Variants in TTN observed in about 807,000 individuals in gnomAD.
TTN encodes the protein titin.
TTN carries 1,525 observed loss-of-function variants against 3,223.0 expected under a neutral mutation model. The ratio of observed to expected loss-of-function variants is 0.47; its 90% CI spans 0.45 to 0.49. The LOEUF is 0.49. TTN is among the 20% of genes least tolerant of loss of function. TTN has a pLI of 0.00. For missense variants in TTN, 40,786 were observed against 43,424.0 expected (o/e 0.94, Z 5.40); for synonymous variants, 14,094 against 15,161.0 (o/e 0.93, Z 5.17).
rs1704021353 is a variant in TTN at position 178,562,400 on chromosome 2, C to T, written c.83732G>A (p.Ser27911Asn). The change falls in exon 326 of 363, where the codon AGC becomes AAC. Residue 27911 changes from serine to asparagine, a missense_variant. Coordinates refer to ENST00000589042, the MANE Select transcript of TTN (RefSeq NM_001267550.2). ...TAGAGTCTTAACTTGTGTGCAGGTG[C>T]TCCACTTTTCACTCCCTTTAGTCTG... ...EMQTKGSEKW[S>N]TCTQVKTLEA... The T allele has an allele frequency of 6.2e-7, 1 of 1,611,588 alleles. No individual in the cohort carries two copies. The highest frequency in any genetic ancestry group is 1.3e-5 in the African/African-American group (1 of 74,802).
chr2:178,729,291 T>C lies in TTN; in HGVS notation c.18865A>G (p.Lys6289Glu), dbSNP rs2079954039. The C allele has an allele frequency of 1.3e-6, 2 of 1,591,062 alleles. No individual in the cohort carries two copies. The highest frequency in any genetic ancestry group is 2.3e-5 in the South Asian group (2 of 87,948). ...GGCTGCTTCTTGTATAACTGACCTTTCAGGGCAACTCTAGTACTGCATGAG... is the reference window on the plus strand; with the variant it reads ...GGCTGCTTCTTGTATAACTGACCTTCCAGGGCAACTCTAGTACTGCATGAG... ...SCSCSTRVAL[K>E]EPPSFIKKIE... Residue 6289 changes from lysine (K) to glutamate (E), a missense_variant, in exon 64 of 363, where the codon AAA becomes GAA. By Grantham distance (56) the Lys-to-Glu change is moderately conservative. Transcript: ENST00000589042.
Position 178,714,060 on chromosome 2 carries a change from A to T in TTN, c.26598T>A (p.Asp8866Glu). The T allele has an allele frequency of 6.2e-7, 1 of 1,613,602 alleles. No individual in the cohort carries two copies. The highest frequency in any genetic ancestry group is 2.2e-5 in the East Asian group (1 of 44,850). Residue 8866 changes from aspartate to glutamate, a missense_variant, in exon 92 of 363, where the codon GAT becomes GAA. Transcript: ENST00000589042. Reference protein sequence around the residue: ...TPELSTKWFKDGKELTSDNKY... With the variant: ...TPELSTKWFKEGKELTSDNKY... ...TGTTGTCACTTGTTAGCTCTTTTCCATCCTTAAACCACTTAGTACTGAGTT... is the reference window on the plus strand; with the variant it reads ...TGTTGTCACTTGTTAGCTCTTTTCCTTCCTTAAACCACTTAGTACTGAGTT...
In TTN at chr2:178,560,032, A is replaced by T; in HGVS notation, c.86100T>A (p.Thr28700=). The T allele has an allele frequency of 6.2e-7, 1 of 1,613,670 alleles. No individual in the cohort carries two copies. The highest frequency in any genetic ancestry group is 8.5e-7 in the Non-Finnish European group (1 of 1,179,784). ...YKKSDDTDWK[T]SIQSLRGTEY... The stretch of plus-strand genomic sequence containing the variant: ...CTGTCCCTCGTAAGCTCTGAATGGA[A>T]GTTTTCCAGTCAGTGTCATCAGATT... The change falls in exon 326 of 363, where the codon ACT becomes ACA. Residue 28700 remains threonine, a synonymous_variant. Transcript: ENST00000589042.
rs2079510366 is a variant in TTN at position 178,727,323 on chromosome 2, G to A, written c.20042C>T (p.Ala6681Val). ...GCATTCAAGTCGTGAAGAGTCACCT[G>A]CTTTCACAATTTTGGAGGCTTCTAA... ...KKLEASKIVK[A>V]GDSSRLECKI... Residue 6681 changes from alanine to valine, a missense_variant, in exon 69 of 363, where the codon GCA (alanine) becomes GTA (valine). Ala to Val is a moderately conservative substitution (Grantham distance 64, BLOSUM62 0). Transcript: ENST00000589042. 3 of 1,610,164 alleles carry A rather than the reference G, an allele frequency of 1.9e-6. No individual in the cohort carries two copies. Among genetic ancestry groups the A allele is most frequent in the Non-Finnish European group, 2.5e-6 (3 of 1,177,888 alleles).
intron 213 of TTN, 135 bp downstream of exon 213, chr2:178,649,113 C>A: frequency 1.5e-6 from 1 of 656,494 alleles, no homozygotes; most frequent in South Asian, 3.0e-5. Context: ...CATTTTTTTC[C>A]CTTCATTATT....
chr2:178,628,930 G>T lies in TTN; in HGVS notation c.44424+371C>A, dbSNP rs181821099. Among the ~76,000 whole-genome samples, 3 of 152,192 alleles carry T rather than the reference G, an allele frequency of 2.0e-5. 1 individual carries two copies. Among genetic ancestry groups the T allele is most frequent in the Admixed American group, 2.0e-4 (3 of 15,268 alleles). On this transcript the variant is annotated intron_variant, in intron 240 of 362. Coordinates refer to ENST00000589042, the MANE Select transcript of TTN (RefSeq NM_001267550.2). ...CAGAACACTAAATAGGATGGAGAGCGTTAGTCTTAAAACTTAATGTGCACC... is the reference window on the plus strand; with the variant it reads ...CAGAACACTAAATAGGATGGAGAGCTTTAGTCTTAAAACTTAATGTGCACC...
intron 41 of TTN, among the ~76,000 whole-genome samples, chr2:178,765,914 G>A (rs193200919): frequency 8.5e-5 from 13 of 152,218 alleles, no homozygotes; most frequent in Non-Finnish European, 1.3e-4. Context: ...AGAGAGGATC[G>A]AGTTCCACAT....
chr2:178,722,248 T>C lies in TTN; in HGVS notation c.22528+11A>G. 6.4e-7 allele frequency: 1 copy of C among 1,556,776 alleles called. No individual in the cohort carries two copies. Among genetic ancestry groups the C allele is most frequent in the Non-Finnish European group, 8.7e-7 (1 of 1,154,018 alleles). Reference sequence around the variant, plus strand: ...CAGTTTGCAAAGAAAAAGAGTGACGTGTGAACAAACCTCTTGCTGTGAGTC... The same window carrying C: ...CAGTTTGCAAAGAAAAAGAGTGACGCGTGAACAAACCTCTTGCTGTGAGTC... On this transcript the variant is annotated intron_variant, in intron 77 of 362. Transcript: ENST00000589042.
In TTN at chr2:178,799,692, C is replaced by T. The variant is rs754641310; in HGVS notation, c.709G>A (p.Val237Ile). The T allele has an allele frequency of 1.9e-6, 3 of 1,614,158 alleles. No homozygotes were observed. In the South Asian group the frequency reaches 3.3e-5, roughly 18 times the overall value. ...AHFDARSIAT[V>I]EMVIDGAAGQ... is the part of the protein sequence containing the mutation. ...GCGGCACCATCTATGACCATCTCAA[C>T]TGTTGCAATTGATCTGGCATCAAAG... is the stretch of plus-strand genomic sequence containing the variant. The change falls in exon 6 of 363, where the codon GTT becomes ATT. Residue 237 changes from valine to isoleucine, a missense_variant. Coordinates refer to ENST00000589042, the MANE Select transcript of TTN (RefSeq NM_001267550.2).
At chr2:178,738,654 A>T (rs1441942420) in intron 48 of TTN, among the ~76,000 whole-genome samples, 1 of 152,192 alleles carries the variant, frequency 6.6e-6, no homozygotes, top group East Asian at 1.9e-4. Flanking sequence ...TAAATATACC[A>T]TGCTGAATGG....
intron 98 of TTN, among the ~76,000 whole-genome samples, chr2:178,710,284 A>G (rs1422582773): frequency 6.6e-6 from 1 of 152,148 alleles, no homozygotes; most frequent in African/African-American, 2.4e-5. Context: ...CGTTTCTACC[A>G]AAAAATACAA....
At position 178,594,555 on chromosome 2, in the gene TTN, C is replaced by T; in HGVS notation, c.57939G>A (p.Gly19313=). Residue 19313 remains glycine (G), a synonymous_variant, in exon 296 of 363, where the codon GGG becomes GGA. Coordinates refer to ENST00000589042, the MANE Select transcript of TTN (RefSeq NM_001267550.2). ...LTWNPPKYDG[G]SEIINYVLES... is the part of the protein sequence containing the mutation. ...CTAGGACATAGTTAATAATTTCTGA[C>T]CCACCATCATACTTAGGAGGATTCC... 6.2e-7 allele frequency: 1 copy of T among 1,613,286 alleles called. No individual in the cohort carries two copies. Among genetic ancestry groups the T allele is most frequent in the South Asian group, 1.1e-5 (1 of 91,030 alleles).
At position 178,641,281 on chromosome 2, in the gene TTN, T is replaced by G; in HGVS notation, c.40593A>C (p.Lys13531Asn). 1 of 1,511,652 alleles carries G rather than the reference T, an allele frequency of 6.6e-7. No individual in the cohort carries two copies. The highest frequency in any genetic ancestry group is 1.3e-5 in the South Asian group (1 of 77,088). The allele number at this position is 1,511,652 out of a possible 1,614,324, so 93.6% of individuals were successfully genotyped here. A position where few individuals can be genotyped will look rare whatever the true frequency, so the allele number is the denominator to read the frequency against. ...LRKRPEEEEP[K>N]VEPKKLEKVK... is the part of the protein sequence containing the mutation. ...CTTTTTCTAGTTTTTTAGGTTCTAC[T>G]TTAGGTTCTTCTTCTTCAGGTCTTT... Residue 13531 changes from lysine (K) to asparagine (N), a missense_variant, in exon 220 of 363, where the codon AAA (lysine) becomes AAC (asparagine). Physicochemically the swap from Lys to Asn is moderately conservative, Grantham distance 94. Coordinates refer to ENST00000589042, the MANE Select transcript of TTN (RefSeq NM_001267550.2).
In TTN at chr2:178,548,048, C is replaced by A. The variant is rs754246638; in HGVS notation, c.93578G>T (p.Gly31193Val). The A allele has an allele frequency of 6.2e-7, 1 of 1,613,812 alleles. No homozygotes were observed. The highest frequency in any genetic ancestry group is 8.5e-7 in the Non-Finnish European group (1 of 1,179,808). Residue 31193 changes from glycine to valine, a missense_variant, in exon 339 of 363, where the codon GGC becomes GTC. Transcript: ENST00000589042. This position sits in a 1 kb window ranked among gnomAD's most constrained non-coding sequence, Gnocchi z 4.3. ...GAAGGCTTCTCTGGGTTCACTATAG[C>A]CAGCATCATTCTTGGCCTTCACACG... ...EFRVKAKNDA[G>V]YSEPREAFSS... is the part of the protein sequence containing the mutation.
rs1060500432 is a variant in TTN at position 178,563,829 on chromosome 2, G to T, written c.82303C>A (p.Leu27435Ile). ...CGGAAAATGTACTCATTACCAGGAA[G>T]AAGTTTAGTAACTTTGTAGTTAAGG... ...QALNYKVTKLLPGNEYIFRVM... is the reference protein window; with the variant it reads ...QALNYKVTKLIPGNEYIFRVM... The change falls in exon 326 of 363, where the codon CTT becomes ATT. Residue 27435 changes from leucine (L) to isoleucine (I), a missense_variant. Coordinates refer to ENST00000589042, the MANE Select transcript of TTN (RefSeq NM_001267550.2). The surrounding 1 kb of genome is among the most constrained non-coding windows in gnomAD (Gnocchi z 4.5). 6.2e-7 allele frequency: 1 copy of T among 1,613,730 alleles called. No individual in the cohort carries two copies. The highest frequency in any genetic ancestry group is 8.5e-7 in the Non-Finnish European group (1 of 1,179,746).
chr2:178,550,734 A>G, intron 336 of TTN: 1 of 532,528 alleles, frequency 1.9e-6, no homozygotes, highest in South Asian at 2.4e-5. Flanking sequence ...CTAAAAACTC[A>G]TTCCCACTTG....
rs1377015752 is a variant in TTN, at chr2:178,566,984, G to A, written c.79148C>T (p.Pro26383Leu). ...LESAPVLMKN[P>L]FVLPGPPKSL... ...TTTTGGTGGTCCAGGAAGCACAAAT[G>A]GATTTTTCATTAGTACTGGTGCAGA... The change falls in exon 326 of 363, where the codon CCA becomes CTA. Residue 26383 changes from proline (P) to leucine (L), a missense_variant. Physicochemically the swap from Pro to Leu is moderately conservative, Grantham distance 98 (BLOSUM62 -3). Coordinates refer to ENST00000589042, the MANE Select transcript of TTN (RefSeq NM_001267550.2). The A allele has an allele frequency of 1.9e-6, 3 of 1,613,420 alleles. No homozygotes were observed. Among genetic ancestry groups the A allele is most frequent in the African/African-American group, 1.3e-5 (1 of 74,858 alleles).
intron 12 of TTN, 56 bp from the exon 13 acceptor site, chr2:178,789,553 G>A: frequency 1.2e-6 from 2 of 1,606,646 alleles, no homozygotes; most frequent in South Asian, 2.2e-5. Flanking sequence ...AACACACATA[G>A]TATGACCCTT....
At position 178,585,203 on chromosome 2, in the gene TTN, G is replaced by A. The variant is rs1060500520; in HGVS notation, c.64541C>T (p.Ala21514Val). 1.9e-6 allele frequency: 3 copies of A among 1,613,364 alleles called. No homozygotes were observed. The highest frequency in any genetic ancestry group is 1.3e-5 in the African/African-American group (1 of 75,004). ...TGAAGAGCTGTCTGCTTTATGCACTGCCAGGTGGCTGGATGTGACAACTTC... is the reference window on the plus strand; with the variant it reads ...TGAAGAGCTGTCTGCTTTATGCACTACCAGGTGGCTGGATGTGACAACTTC... ...EDEVVTSSHL[A>V]VHKADSSSIL... Residue 21514 changes from alanine (A) to valine (V), a missense_variant, in exon 309 of 363, where the codon GCA becomes GTA. Physicochemically the swap from Ala to Val is moderately conservative, Grantham distance 64. Coordinates refer to ENST00000589042, the MANE Select transcript of TTN (RefSeq NM_001267550.2).
Sources: allele counts gnomAD v4.1 joint callset (sites outside exome capture counted in the v4.1 genomes callset), GRCh38; gene constraint gnomAD v4.1.1; non-coding constraint Gnocchi (gnomAD v3.1); transcripts MANE v1.5; gene names NCBI Gene and HGNC (gene_info 2026-07-23, HGNC 2026-07-21).